Variants in ADCYAP1R1 observed in about 807,000 individuals in gnomAD.
The protein encoded by ADCYAP1R1 is pituitary adenylate cyclase-activating polypeptide type I receptor.
In ADCYAP1R1, 44 loss-of-function variants were observed where a neutral mutation model predicts 67.6. The observed-to-expected ratio is 0.65, with a 90% CI of 0.51 to 0.84. The LOEUF (loss-of-function observed/expected upper bound fraction) is 0.84, where lower values mean the gene tolerates loss of function less well. Ranked by LOEUF, ADCYAP1R1 falls within the 40% of genes least tolerant of loss-of-function variation. The pLI, the probability that ADCYAP1R1 is intolerant of heterozygous loss-of-function variation, is 0.00. For missense variants in ADCYAP1R1, 477 were observed against 587.9 expected, an observed-to-expected ratio of 0.81 and a Z score of 1.95; for synonymous variants, 222 against 219.6, an observed-to-expected ratio of 1.01 and a Z score of -0.10.
rs1010952649 is a variant in ADCYAP1R1, at chr7:31,102,817, C to T, written c.1047-420C>T. On this transcript the variant is annotated intron_variant, in intron 13 of 15. Coordinates refer to ENST00000304166, the MANE Select transcript of ADCYAP1R1 (RefSeq NM_001118.5). This position sits in a 1 kb window ranked among gnomAD's most constrained non-coding sequence, Gnocchi z 4.3. ...AAAGCCAACTGTCTCTGTGGCCCAT[C>T]GAGGGCTGCTTCTTTCAGGCACAAA... Among the ~76,000 whole-genome samples the T allele has an allele frequency of 5.9e-5, 9 of 152,162 alleles. No individual in the cohort carries two copies. Among genetic ancestry groups the T allele is most frequent in the East Asian group, 5.8e-4 (3 of 5,194 alleles).
chr7:31,056,104 C>A (rs2128612013), intron 1 of ADCYAP1R1, among the ~76,000 whole-genome samples: 1 of 152,300 alleles, frequency 6.6e-6, no homozygotes, highest in Non-Finnish European at 1.5e-5. Context: ...CCCCTTGTTT[C>A]TAGACAAGAC....
chr7:31,106,953 C>T lies in ADCYAP1R1; in HGVS notation c.*269C>T, dbSNP rs1312336535. ...GGAAAAGTTGTCCCATCCCTTCCCC[C>T]TTTGCCCCAGTGTCCCTGCTCACTT... is the stretch of plus-strand genomic sequence containing the variant. On this transcript the variant is annotated 3_prime_UTR_variant, in exon 16 of 16. Transcript: ENST00000304166. The T allele has an allele frequency of 4.5e-6, 2 of 444,222 alleles. No homozygotes were observed. The highest frequency in any genetic ancestry group is 8.0e-5 in the East Asian group (2 of 24,892). The allele number at this position is 444,222 out of a possible 1,614,324, so 27.5% of individuals were successfully genotyped here. A position where few individuals can be genotyped will look rare whatever the true frequency, so the allele number is the denominator to read the frequency against.
intron 13 of ADCYAP1R1, among the ~76,000 whole-genome samples, chr7:31,097,991 C>T (rs893864307): frequency 3.9e-5 from 6 of 152,258 alleles, no homozygotes; most frequent in East Asian, 1.9e-4. Context: ...ACCTCTTTCT[C>T]CTGGGTTCAA....
chr7:31,068,826 T>C (rs769483636), intron 3 of ADCYAP1R1, among the ~76,000 whole-genome samples: 2 of 152,184 alleles, frequency 1.3e-5, no homozygotes, highest in Non-Finnish European at 2.9e-5. Flanking sequence ...AGGGATAGCA[T>C]TGACCTTGCT....
intron 2 of ADCYAP1R1, among the ~76,000 whole-genome samples, chr7:31,064,337 C>T (rs528053086): frequency 5.3e-5 from 8 of 152,306 alleles, no homozygotes; most frequent in Admixed American, 1.3e-4. Flanking sequence ...GTAGTAGCCT[C>T]GTGGCTGCTA....
At chr7:31,087,187 G>A (rs74327677) in intron 11 of ADCYAP1R1, among the ~76,000 whole-genome samples, 184 bp downstream of exon 11, 6,465 of 152,256 alleles carry the variant, frequency 0.042, 361 homozygotes, top group African/African-American at 0.13. Flanking sequence ...ACCCAGCTGC[G>A]TCTCAGCCAG....
chr7:31,085,951 C>T (rs113246672), intron 9 of ADCYAP1R1, among the ~76,000 whole-genome samples: 1 of 152,170 alleles, frequency 6.6e-6, no homozygotes, highest in Non-Finnish European at 1.5e-5. Flanking sequence ...ACCAGGAGGA[C>T]ATGCTTGGGG....
intron 13 of ADCYAP1R1, among the ~76,000 whole-genome samples, chr7:31,101,003 A>G (rs1158159514): frequency 2.0e-5 from 3 of 152,184 alleles, no homozygotes; most frequent in African/African-American, 7.2e-5. Flanking sequence ...CATTTTGGGT[A>G]ATGGCTCACA....
intron 3 of ADCYAP1R1, among the ~76,000 whole-genome samples, chr7:31,068,254 T>C (rs1251643145): frequency 6.6e-6 from 1 of 152,064 alleles, no homozygotes; most frequent in African/African-American, 2.4e-5. Context: ...AGAACGCATT[T>C]AACCCTCACC....
At chr7:31,101,452 G>T (rs1796432357) in intron 13 of ADCYAP1R1, among the ~76,000 whole-genome samples, 1 of 152,138 alleles carries the variant, frequency 6.6e-6, no homozygotes, top group African/African-American at 2.4e-5. Context: ...GCATGTTCTG[G>T]GGCCAGCTTC....
chr7:31,091,266 T>A (rs1348017475), intron 12 of ADCYAP1R1, among the ~76,000 whole-genome samples: 1 of 152,240 alleles, frequency 6.6e-6, no homozygotes, highest in Non-Finnish European at 1.5e-5. Flanking sequence ...TTAATAAGAT[T>A]ATTTGTCTTT....
intron 13 of ADCYAP1R1, among the ~76,000 whole-genome samples, chr7:31,095,964 G>C (rs1269719488): frequency 1.3e-5 from 2 of 152,172 alleles, no homozygotes. Context: ...CTGGGTCAGG[G>C]CTTAGCATGT....
In ADCYAP1R1 at chr7:31,106,513, G is replaced by A; in HGVS notation, c.1236G>A (p.Lys412=). The A allele has an allele frequency of 6.2e-7, 1 of 1,610,514 alleles. No homozygotes were observed. Among genetic ancestry groups the A allele is most frequent in the Non-Finnish European group, 8.5e-7 (1 of 1,178,128 alleles). ...CCCTGCAGGTACAAGCGGAGATCAAGCGAAAATGGCGAAGCTGGAAGGTGA... is the reference window on the plus strand; with the variant it reads ...CCCTGCAGGTACAAGCGGAGATCAAACGAAAATGGCGAAGCTGGAAGGTGA... ...FLNGEVQAEI[K]RKWRSWKVNR... The change falls in exon 16 of 16, where the codon AAG becomes AAA. Residue 412 remains lysine (K), a synonymous_variant. Transcript: ENST00000304166.
In ADCYAP1R1 at chr7:31,084,215, G is replaced by A. The variant is rs781731713; in HGVS notation, c.403G>A (p.Gly135Arg). 1.2e-6 allele frequency: 2 copies of A among 1,614,034 alleles called. No individual in the cohort carries two copies. The highest frequency in any genetic ancestry group is 1.7e-6 in the Non-Finnish European group (2 of 1,180,040). ...CTTCCCTCATTACTTTGATGCCTGTGGGTTTGATGAATATGAATCTGAGAC... is the reference window on the plus strand; with the variant it reads ...CTTCCCTCATTACTTTGATGCCTGTAGGTTTGATGAATATGAATCTGAGAC... ...EPFPHYFDAC[G>R]FDEYESETGD... The change falls in exon 7 of 16, where the codon GGG (glycine) becomes AGG (arginine). Residue 135 changes from glycine to arginine, a missense_variant. By Grantham distance (125) the Gly-to-Arg change is moderately radical. Coordinates refer to ENST00000304166, the MANE Select transcript of ADCYAP1R1 (RefSeq NM_001118.5).
chr7:31,062,897 G>T (rs1794567059), intron 1 of ADCYAP1R1, among the ~76,000 whole-genome samples: 1 of 152,198 alleles, frequency 6.6e-6, no homozygotes, highest in Non-Finnish European at 1.5e-5. Context: ...GCAAAGGTTT[G>T]GGGAGGCAAT....
chr7:31,084,784 C>G lies in ADCYAP1R1; in HGVS notation c.486C>G (p.Ser162Arg). Residue 162 changes from serine to arginine, a missense_variant, in exon 8 of 16, where the codon AGC (serine) becomes AGG (arginine). Coordinates refer to ENST00000304166, the MANE Select transcript of ADCYAP1R1 (RefSeq NM_001118.5). ...AGGCCCTCTACACGGTTGGCTACAG[C>G]ACATCCCTCGTCACCCTCACCACTG... is the stretch of plus-strand genomic sequence containing the variant. The part of the protein sequence containing the change: ...SVKALYTVGY[S>R]TSLVTLTTAM... 1 of 1,614,116 alleles carries G rather than the reference C, an allele frequency of 6.2e-7. No individual in the cohort carries two copies. Among genetic ancestry groups the G allele is most frequent in the Non-Finnish European group, 8.5e-7 (1 of 1,179,998 alleles).
At chr7:31,073,069 T>C (rs1795053914) in intron 3 of ADCYAP1R1, among the ~76,000 whole-genome samples, 2 of 152,334 alleles carry the variant, frequency 1.3e-5, no homozygotes, top group Admixed American at 1.3e-4. Flanking sequence ...GTGAGACCCA[T>C]TTCAGACTTC....
intron 13 of ADCYAP1R1, among the ~76,000 whole-genome samples, chr7:31,098,921 C>CACCG (rs1199394635): frequency 6.6e-6 from 1 of 152,184 alleles, no homozygotes; most frequent in Non-Finnish European, 1.5e-5. Flanking sequence ...CATTGACCAG[C>CACCG]ACCGGGAGAC....
At chr7:31,080,575 C>T in intron 4 of ADCYAP1R1, 38 bp from the exon 5 acceptor site, 1 of 1,609,668 alleles carries the variant, frequency 6.2e-7, no homozygotes, top group Non-Finnish European at 8.5e-7. Context: ...CGCTGCTCAC[C>T]TCTGACTTTT....
Sources: allele counts gnomAD v4.1 joint callset (sites outside exome capture counted in the v4.1 genomes callset), GRCh38; gene constraint gnomAD v4.1.1; non-coding constraint Gnocchi (gnomAD v3.1); transcripts MANE v1.5; gene names NCBI Gene and HGNC (gene_info 2026-07-23, HGNC 2026-07-21).